SPTBN1: variants seen among roughly 807,000 people sequenced by gnomAD.
SPTBN1 encodes the protein spectrin beta, non-erythrocytic 1, also known as spectrin beta chain, non-erythrocytic 1.
SPTBN1 carries 32 observed loss-of-function variants against 266.4 expected under a neutral mutation model. That is an observed-to-expected ratio of 0.12 (90% confidence interval 0.09 to 0.16). The LOEUF (loss-of-function observed/expected upper bound fraction) is 0.16, where lower values mean the gene tolerates loss of function less well. Among genes scored for constraint, SPTBN1 ranks in the 10% least tolerant of loss-of-function variants. The pLI, the probability that SPTBN1 is intolerant of heterozygous loss-of-function variation, is 1.00. For synonymous variants in SPTBN1, 1,336 were observed against 1,162.2 expected (o/e 1.15, Z -3.04); for missense variants, 2,296 against 3,067.1 (o/e 0.75, Z 5.94).
At chr2:54,506,103 A>G (rs4671220) in intron 1 of SPTBN1, among the ~76,000 whole-genome samples, 121,083 of 151,802 alleles carry the variant, frequency 0.8, 48,906 homozygotes, top group African/African-American at 0.93. Context: ...CAGCCTGGGC[A>G]ACAGAGTGAG....
At chr2:54,623,697 T>C in intron 10 of SPTBN1, 101 bp downstream of exon 10, 1 of 911,036 alleles carries the variant, frequency 1.1e-6, no homozygotes, top group Non-Finnish European at 1.7e-6. Flanking sequence ...TGGAAGGGGC[T>C]GTCCCCACCT....
At chr2:54,543,518 G>T (rs1288164625) in intron 2 of SPTBN1, among the ~76,000 whole-genome samples, 1 of 152,008 alleles carries the variant, frequency 6.6e-6, no homozygotes, top group African/African-American at 2.4e-5. Flanking sequence ...GGCTTTGTTT[G>T]CTGTGAAGTT....
intron 17 of SPTBN1, among the ~76,000 whole-genome samples, chr2:54,634,200 C>T (rs1293495719): frequency 6.6e-6 from 1 of 152,222 alleles, no homozygotes; most frequent in Admixed American, 6.5e-5. Flanking sequence ...TTCAGGCAGG[C>T]ATGCAGCTGC....
rs2104625774 is a variant in SPTBN1, at chr2:54,591,250, C to G, written c.149-7842C>G. Among the ~76,000 whole-genome samples, 4 of 152,292 alleles carry G rather than the reference C, an allele frequency of 2.6e-5. No individual in the cohort carries two copies. In the South Asian group the frequency reaches 8.3e-4, roughly 32 times the overall value. On this transcript the variant is annotated intron_variant, in intron 2 of 35. Transcript: ENST00000356805. The stretch of plus-strand genomic sequence containing the variant: ...ATACTCTCAATTTCAGATTAGTCAG[C>G]TAACACAGTATTATTGATTTAAATA...
At chr2:54,600,780 G>T (rs1676450773) in intron 3 of SPTBN1, among the ~76,000 whole-genome samples, 1 of 145,450 alleles carries the variant, frequency 6.9e-6, no homozygotes, top group Admixed American at 6.9e-5. Flanking sequence ...AATCATTAAA[G>T]GTCACATGGA....
At chr2:54,633,236 A>G (rs1678873702) in intron 17 of SPTBN1, among the ~76,000 whole-genome samples, 1 of 152,190 alleles carries the variant, frequency 6.6e-6, no homozygotes, top group Non-Finnish European at 1.5e-5. Context: ...CAAAGCTACA[A>G]AGGAACATTA....
chr2:54,493,142 A>G lies in SPTBN1; in HGVS notation c.-47-33230A>G, dbSNP rs560397296. ...CACCTCAGCCTGCTGCGTATCTGGGACCACAGGCACACACCACCATGCCTG... is the reference window on the plus strand; with the variant it reads ...CACCTCAGCCTGCTGCGTATCTGGGGCCACAGGCACACACCACCATGCCTG... On this transcript the variant is annotated intron_variant, in intron 1 of 35. Coordinates refer to ENST00000356805, the MANE Select transcript of SPTBN1 (RefSeq NM_003128.3). Among the ~76,000 whole-genome samples, 28 of 150,914 alleles carry G rather than the reference A, an allele frequency of 1.9e-4. No individual in the cohort carries two copies. In the East Asian group the frequency reaches 5.3e-3, roughly 29 times the overall value.
intron 18 of SPTBN1, among the ~76,000 whole-genome samples, chr2:54,640,636 C>T (rs1679467567): frequency 6.6e-6 from 1 of 152,196 alleles, no homozygotes; most frequent in Non-Finnish European, 1.5e-5. Flanking sequence ...ACTACAGCCC[C>T]CACCTCCCGG....
At chr2:54,657,667 G>A (rs925883794) in intron 29 of SPTBN1, among the ~76,000 whole-genome samples, 183 bp from the exon 30 acceptor site, 1 of 152,158 alleles carries the variant, frequency 6.6e-6, no homozygotes, top group Non-Finnish European at 1.5e-5. Flanking sequence ...GTGGCTACTG[G>A]AAAAGTCAAA....
intron 1 of SPTBN1, among the ~76,000 whole-genome samples, chr2:54,480,525 TTATC>T (rs1353293842): frequency 6.6e-6 from 1 of 152,246 alleles, no homozygotes; most frequent in African/African-American, 2.4e-5. Flanking sequence ...TGTCCAGTAT[TTATC>T]TAGCAATCCT....
chr2:54,618,073 C>A lies in SPTBN1; in HGVS notation c.648-5C>A. ...TTTGTTGTGTCCCACTGTTGTTCTG[C>A]ACAGGCCTGACCTGATAGATTTTGA... On this transcript the variant is annotated splice_polypyrimidine_tract_variant and splice_region_variant and intron_variant, in intron 6 of 35. Coordinates refer to ENST00000356805, the MANE Select transcript of SPTBN1 (RefSeq NM_003128.3). The A allele has an allele frequency of 6.2e-7, 1 of 1,611,218 alleles. No individual in the cohort carries two copies. The highest frequency in any genetic ancestry group is 8.5e-7 in the Non-Finnish European group (1 of 1,178,020).
intron 2 of SPTBN1, among the ~76,000 whole-genome samples, chr2:54,563,890 G>T (rs1259498794): frequency 1.3e-5 from 2 of 152,136 alleles, no homozygotes; most frequent in African/African-American, 4.8e-5. Context: ...GGCAAGGGTA[G>T]CTATTCTCGA....
rs541998819 is a variant in SPTBN1, at chr2:54,626,759, C to G, written c.1644+525C>G. Among the ~76,000 whole-genome samples, 2 of 152,280 alleles carry G rather than the reference C, an allele frequency of 1.3e-5. No individual in the cohort carries two copies. The highest frequency in any genetic ancestry group is 4.1e-4 in the South Asian group (2 of 4,824). On this transcript the variant is annotated intron_variant, in intron 12 of 35. Transcript: ENST00000356805. The surrounding 1 kb of genome is among the most constrained non-coding windows in gnomAD (Gnocchi z 4.7). ...AATGGAGATTGTACTTACTATCTAC[C>G]TCATCCAATTATTGCAAGGATGGAA...
At position 54,647,139 on chromosome 2, in the gene SPTBN1, G is replaced by A. The variant is rs1679976718; in HGVS notation, c.4875G>A (p.Gln1625=). Reference sequence around the variant, plus strand: ...TTCTCCTGTCTTTGCAGGATGAGCAGAGTGCTGTCTCCATGTTGAAGAAGC... The same window carrying A: ...TTCTCCTGTCTTTGCAGGATGAGCAAAGTGCTGTCTCCATGTTGAAGAAGC... ...MMSEEKAKDE[Q]SAVSMLKKHQ... Residue 1625 remains glutamine (Q), a synonymous_variant, in exon 24 of 36, where the codon CAG becomes CAA. Coordinates refer to ENST00000356805, the MANE Select transcript of SPTBN1 (RefSeq NM_003128.3). 1 of 1,614,224 alleles carries A rather than the reference G, an allele frequency of 6.2e-7. No homozygotes were observed. The highest frequency in any genetic ancestry group is 1.1e-5 in the South Asian group (1 of 91,082).
At chr2:54,476,390 A>G (rs1667835442) in intron 1 of SPTBN1, among the ~76,000 whole-genome samples, 2 of 152,270 alleles carry the variant, frequency 1.3e-5, no homozygotes, top group Admixed American at 1.3e-4. Context: ...GGTCGAATCC[A>G]GCATTTCCCA....
Position 54,628,150 on chromosome 2 carries a change from G to A in SPTBN1, c.1698G>A (p.Leu566=), listed in dbSNP as rs1558443377. 1.2e-6 allele frequency: 2 copies of A among 1,614,134 alleles called. No homozygotes were observed. Among genetic ancestry groups the A allele is most frequent in the Non-Finnish European group, 1.7e-6 (2 of 1,179,996 alleles). ...YGKHLLGVED[L]LQKHTLVEAD... ...AACACTTACTTGGTGTGGAAGACCT[G>A]TTACAGAAGCACACCCTGGTTGAAG... The change falls in exon 13 of 36, where the codon CTG becomes CTA. Residue 566 remains leucine, a synonymous_variant. Transcript: ENST00000356805. This position sits in a 1 kb window ranked among gnomAD's most constrained non-coding sequence, Gnocchi z 4.3.
At chr2:54,514,264 A>G (rs1670001140) in intron 1 of SPTBN1, among the ~76,000 whole-genome samples, 1 of 152,240 alleles carries the variant, frequency 6.6e-6, no homozygotes, top group Non-Finnish European at 1.5e-5. Context: ...CGTGGTGATG[A>G]GATCTATTTG....
At position 54,526,429 on chromosome 2, in the gene SPTBN1, C is replaced by T; in HGVS notation, c.11C>T (p.Thr4Ile). The change falls in exon 2 of 36, where the codon ACA (threonine) becomes ATA (isoleucine). Residue 4 changes from threonine (T) to isoleucine (I), a missense_variant. Physicochemically the swap from Thr to Ile is moderately conservative, Grantham distance 89. This residue lies in a region of SPTBN1 where 178 missense variants were observed against 375.7 expected (regional missense o/e 0.47). Coordinates refer to ENST00000356805, the MANE Select transcript of SPTBN1 (RefSeq NM_003128.3). ...CTGAGACAGTTCAAGATGACGACCA[C>T]AGTAGCCACAGACTATGACAACATT... MTTTVATDYDNIEI... is the reference protein window; with the variant it reads MTTIVATDYDNIEI... The T allele has an allele frequency of 6.2e-7, 1 of 1,614,120 alleles. No individual in the cohort carries two copies. Among genetic ancestry groups the T allele is most frequent in the Non-Finnish European group, 8.5e-7 (1 of 1,179,994 alleles).
Position 54,645,776 on chromosome 2 carries a change from A to G in SPTBN1, c.4495-152A>G. On this transcript the variant is annotated intron_variant, in intron 21 of 35. Transcript: ENST00000356805. This position sits in a 1 kb window ranked among gnomAD's most constrained non-coding sequence, Gnocchi z 4.3. Reference sequence around the variant, plus strand: ...ACTCTCCCTAGCCCTGTCTCGGAGAACAAGGGCGTGCTTCCCCAGACAGCC... The same window carrying G: ...ACTCTCCCTAGCCCTGTCTCGGAGAGCAAGGGCGTGCTTCCCCAGACAGCC... 2 of 776,442 alleles carry G rather than the reference A, an allele frequency of 2.6e-6. No individual in the cohort carries two copies. Among genetic ancestry groups the G allele is most frequent in the Non-Finnish European group, 4.1e-6 (2 of 483,948 alleles). 48.1% of individuals were successfully genotyped at this position (776,442 alleles called of 1,614,324 possible).
Sources: gnomAD v4.1 joint callset for allele counts (sites outside exome capture counted in the v4.1 genomes callset) on GRCh38, gnomAD v4.1.1 for gene constraint, gnomAD v4.1.1 regional missense constraint, Gnocchi (gnomAD v3.1) non-coding constraint, MANE v1.5 for transcripts, NCBI Gene and HGNC (gene_info 2026-07-23, HGNC 2026-07-21) for gene names.